The following PPP4R1 variants were observed in gnomAD, a reference collection of about 807,000 sequenced individuals.
PPP4R1 encodes the protein serine/threonine-protein phosphatase 4 regulatory subunit 1.
A neutral mutation model predicts 111.2 loss-of-function variants in PPP4R1; 42 were observed. The observed-to-expected ratio is 0.38, with a 90% confidence interval of 0.29 to 0.49. PPP4R1 has a LOEUF of 0.49. Ranked by LOEUF, PPP4R1 falls within the 20% of genes least tolerant of loss-of-function variation. PPP4R1 has a pLI of 0.97. For missense variants in PPP4R1, 1,012 were observed against 1,161.6 expected (o/e 0.87, Z 1.87); for synonymous variants, 409 against 405.5 (o/e 1.01, Z -0.10).
intron 9 of PPP4R1, among the ~76,000 whole-genome samples, chr18:9,580,226 G>T (rs547211193): frequency 4.6e-5 from 7 of 152,094 alleles, no homozygotes; most frequent in African/African-American, 1.7e-4. Flanking sequence ...TGAAGTAAGT[G>T]AAAATTATAA....
Position 9,584,558 on chromosome 18 carries a change from T to C in PPP4R1, c.716A>G (p.Asp239Gly). Residue 239 changes from aspartate to glycine, a missense_variant, in exon 8 of 20, where the codon GAT (aspartate) becomes GGT (glycine). Asp to Gly is a moderately conservative substitution (Grantham distance 94, BLOSUM62 -1). Transcript: ENST00000400556. ...VRKVCAANFG[D>G]ICSVVGQQAT... The stretch of plus-strand genomic sequence containing the variant: ...TTGCTGGCCAACTACACTGCAAATA[T>C]CTCCAAAATTGGCAGCACAGACCTG... 1.2e-6 allele frequency: 2 copies of C among 1,613,282 alleles called. No individual in the cohort carries two copies. The highest frequency in any genetic ancestry group is 1.7e-6 in the Non-Finnish European group (2 of 1,179,680).
chr18:9,594,024 C>A, intron 3 of PPP4R1, 150 bp from the exon 4 acceptor site: 1 of 625,924 alleles, frequency 1.6e-6, no homozygotes, highest in Non-Finnish European at 2.8e-6. Flanking sequence ...ACTTCCCTGG[C>A]TCAGGTAATC....
At chr18:9,600,604 T>C (rs1431567823) in intron 2 of PPP4R1, among the ~76,000 whole-genome samples, 1 of 152,224 alleles carries the variant, frequency 6.6e-6, no homozygotes, top group Non-Finnish European at 1.5e-5. Context: ...CCGGGTGTGG[T>C]GGCTCACGCC....
chr18:9,563,308 A>T, intron 12 of PPP4R1, 70 bp downstream of exon 12: 1 of 1,451,914 alleles, frequency 6.9e-7, no homozygotes. Flanking sequence ...ATTAGCTACA[A>T]CTATTCCCCA....
At chr18:9,605,428 A>AT (rs1277805015) in intron 2 of PPP4R1, among the ~76,000 whole-genome samples, 2 of 152,054 alleles carry the variant, frequency 1.3e-5, no homozygotes, top group Non-Finnish European at 2.9e-5. Flanking sequence ...ACTAATTACA[A>AT]TAGGAAAAAC....
chr18:9,605,566 C>CAAAAAAAAAAAAAAAAAAAAAAAAAAAAA (rs34208690), intron 2 of PPP4R1, among the ~76,000 whole-genome samples: 4 of 67,636 alleles, frequency 5.9e-5, no homozygotes, highest in African/African-American at 2.4e-4. Context: ...GCAGTCCTGT[C>CAAAAAAAAAAAAAAAAAAAAAAAAAAAAA]AAAAAAAAAA....
intron 9 of PPP4R1, among the ~76,000 whole-genome samples, chr18:9,577,630 G>A (rs1260394816): frequency 6.6e-6 from 1 of 152,002 alleles, no homozygotes; most frequent in South Asian, 2.1e-4. Flanking sequence ...TCACACCACT[G>A]TACTCCAGCC....
intron 11 of PPP4R1, among the ~76,000 whole-genome samples, chr18:9,568,103 C>A (rs2066799320): frequency 6.6e-6 from 1 of 152,182 alleles, no homozygotes; most frequent in South Asian, 2.1e-4. Context: ...ATCATAGCTA[C>A]TGAAACCTTA....
chr18:9,549,554 T>C (rs1032973715), intron 18 of PPP4R1, among the ~76,000 whole-genome samples: 3 of 151,976 alleles, frequency 2.0e-5, no homozygotes, highest in African/African-American at 7.3e-5. Flanking sequence ...AGACCTAGAG[T>C]GTTCATTCAC....
chr18:9,599,939 G>A (rs1465870475), intron 2 of PPP4R1, among the ~76,000 whole-genome samples: 1 of 152,102 alleles, frequency 6.6e-6, no homozygotes, highest in African/African-American at 2.4e-5. Context: ...CAGATACCTA[G>A]ATCCCACACT....
intron 4 of PPP4R1, among the ~76,000 whole-genome samples, chr18:9,592,396 T>G (rs1470522254): frequency 6.6e-6 from 1 of 152,110 alleles, no homozygotes. Context: ...ATACCTCATC[T>G]ATCAAATCCA....
intron 2 of PPP4R1, among the ~76,000 whole-genome samples, chr18:9,595,475 G>A (rs140190715): frequency 8.1e-4 from 124 of 152,270 alleles, no homozygotes; most frequent in African/African-American, 2.8e-3. Flanking sequence ...TTGTGAATAG[G>A]CACACAAAAA....
At chr18:9,595,233 C>A in intron 2 of PPP4R1, 80 bp from the exon 3 acceptor site, 1 of 1,425,414 alleles carries the variant, frequency 7.0e-7, no homozygotes, top group South Asian at 1.4e-5. Flanking sequence ...CAGTACAAAT[C>A]TGTTTCTGGA....
chr18:9,557,425 G>T, intron 14 of PPP4R1, 43 bp from the exon 15 acceptor site: 1 of 1,509,148 alleles, frequency 6.6e-7, no homozygotes, highest in Non-Finnish European at 8.9e-7. Context: ...CACAAAGTAC[G>T]CAGTACTTTA....
chr18:9,571,647 T>C (rs1406610706), intron 10 of PPP4R1, among the ~76,000 whole-genome samples: 2 of 151,284 alleles, frequency 1.3e-5, no homozygotes, highest in African/African-American at 4.9e-5. Context: ...ATGACATGAG[T>C]TGTGCTTAGA....
chr18:9,584,154 G>A (rs2067077021), intron 8 of PPP4R1, among the ~76,000 whole-genome samples: 2 of 152,070 alleles, frequency 1.3e-5, no homozygotes, highest in African/African-American at 4.8e-5. Context: ...ATCAAGTATA[G>A]GCATCTTGTG....
chr18:9,601,892 A>G (rs2145304581), intron 2 of PPP4R1, among the ~76,000 whole-genome samples: 1 of 152,282 alleles, frequency 6.6e-6, no homozygotes, highest in African/African-American at 2.4e-5. Flanking sequence ...CCCTTTGAAA[A>G]CTGCTGCTAA....
At chr18:9,580,300 T>G (rs796374910) in intron 9 of PPP4R1, among the ~76,000 whole-genome samples, 13 of 150,362 alleles carry the variant, frequency 8.6e-5, no homozygotes, top group African/African-American at 3.2e-4. Context: ...GGATAACAAT[T>G]AAAGAAAACT....
chr18:9,553,576 G>A (rs2066522719), intron 15 of PPP4R1, among the ~76,000 whole-genome samples, 154 bp from the exon 16 acceptor site: 1 of 152,174 alleles, frequency 6.6e-6, no homozygotes, highest in Non-Finnish European at 1.5e-5. Context: ...TTGGTATTAA[G>A]TTTATTTTTC....
Sources: gnomAD v4.1 joint callset for allele counts (sites outside exome capture counted in the v4.1 genomes callset) on GRCh38, gnomAD v4.1.1 for gene constraint, MANE v1.5 for transcripts, NCBI Gene and HGNC (gene_info 2026-07-23, HGNC 2026-07-21) for gene names.